The following ZFHX3 variants were observed in gnomAD, a reference collection of about 807,000 sequenced individuals.
ZFHX3 encodes zinc finger homeobox 3.
Under a neutral mutation model 279.1 loss-of-function variants are expected in ZFHX3, and 42 were observed. The ratio of observed to expected loss-of-function variants is 0.15; its 90% CI spans 0.12 to 0.19. The LOEUF is 0.19. ZFHX3 is among the 10% of genes least tolerant of loss of function. ZFHX3 has a pLI of 1.00. For missense variants in ZFHX3, 4,981 were observed against 4,754.0 expected, an observed-to-expected ratio of 1.05 and a Z score of -1.40; for synonymous variants, 2,293 against 1,957.8, an observed-to-expected ratio of 1.17 and a Z score of -4.52.
chr16:73,063,285 G>A (rs1000533462), upstream of ZFHX3, among the ~76,000 whole-genome samples: 4 of 152,210 alleles, frequency 2.6e-5, no homozygotes, highest in Non-Finnish European at 5.9e-5. Context: ...GGTCAAGTCC[G>A]AGATCACCTT....
intron 2 of ZFHX3, among the ~76,000 whole-genome samples, chr16:73,503,920 CA>C (rs1375606167): frequency 6.6e-6 from 1 of 152,160 alleles, no homozygotes; most frequent in Non-Finnish European, 1.5e-5. Flanking sequence ...GATAGTTATT[CA>C]CTTCTTCCTT....
chr16:73,096,057 G>C (rs1043404387), intron 7 of ZFHX3, among the ~76,000 whole-genome samples: 2 of 152,142 alleles, frequency 1.3e-5, no homozygotes, highest in African/African-American at 2.4e-5. Flanking sequence ...AGAGGGGCCT[G>C]GAGATGCTGG....
At chr16:73,248,948 C>G (rs1387426839) in intron 5 of ZFHX3, among the ~76,000 whole-genome samples, 1 of 152,154 alleles carries the variant, frequency 6.6e-6, no homozygotes, top group Non-Finnish European at 1.5e-5. Context: ...TGGCCCAGCG[C>G]CCAAGGCATT....
At chr16:73,340,578 G>T (rs1342618031) in intron 3 of ZFHX3, among the ~76,000 whole-genome samples, 7 of 152,180 alleles carry the variant, frequency 4.6e-5, no homozygotes. Flanking sequence ...GTCTCACCAT[G>T]TTGCCTAGGC....
chr16:73,689,346 A>G (rs1432987462), intron 1 of ZFHX3, among the ~76,000 whole-genome samples: 3 of 152,202 alleles, frequency 2.0e-5, no homozygotes, highest in Admixed American at 1.3e-4. Context: ...AGAAGTAGCC[A>G]CATGGTCCCT....
At chr16:73,802,312 A>G (rs994146240) in intron 1 of ZFHX3, among the ~76,000 whole-genome samples, 1 of 152,254 alleles carries the variant, frequency 6.6e-6, no homozygotes. Flanking sequence ...ATGTGACTCC[A>G]CAGGGAAGGG....
At chr16:73,859,927 A>G (rs1961836649) in intron 1 of ZFHX3, among the ~76,000 whole-genome samples, 2 of 152,202 alleles carry the variant, frequency 1.3e-5, no homozygotes, top group Admixed American at 1.3e-4. Flanking sequence ...TTCATGCAGC[A>G]GGGGCGGCCT....
intron 4 of ZFHX3, among the ~76,000 whole-genome samples, chr16:73,305,415 A>G (rs1165669368): frequency 6.6e-6 from 1 of 152,150 alleles, no homozygotes; most frequent in Non-Finnish European, 1.5e-5. Context: ...CCATGCAAAG[A>G]GGACGGTGGA....
chr16:73,801,657 T>C (rs1020852859), intron 1 of ZFHX3, among the ~76,000 whole-genome samples: 40 of 152,198 alleles, frequency 2.6e-4, no homozygotes, highest in African/African-American at 9.2e-4. Context: ...ACCCTCTTCT[T>C]CCTCTAAAGC....
chr16:73,130,905 G>GC, intron 7 of ZFHX3: 1 of 1,266,980 alleles, frequency 7.9e-7, no homozygotes, highest in East Asian at 5.8e-5. Flanking sequence ...AACACGCTGG[G>GC]CCCAGACAGT....
chr16:73,632,857 A>G (rs1165453258), intron 2 of ZFHX3, among the ~76,000 whole-genome samples: 9 of 152,184 alleles, frequency 5.9e-5, no homozygotes, highest in African/African-American at 1.9e-4. Context: ...CAGGTAGATC[A>G]CAAGGTCAGG....
At chr16:72,792,242 A>G (rs2035732519) in intron 9 of ZFHX3, among the ~76,000 whole-genome samples, 1 of 152,200 alleles carries the variant, frequency 6.6e-6, no homozygotes, top group Non-Finnish European at 1.5e-5. Context: ...AGTGATCAGG[A>G]GCAAGGAAAA....
intron 2 of ZFHX3, among the ~76,000 whole-genome samples, chr16:73,669,050 A>ATTTTTTTT (rs77659765): frequency 2.7e-5 from 4 of 149,062 alleles, no homozygotes; most frequent in Admixed American, 6.6e-5. Context: ...TCTATTTATT[A>ATTTTTTTT]TTTTTTTTCT....
chr16:73,515,460 GAT>G, intron 2 of ZFHX3, among the ~76,000 whole-genome samples: 1 of 135,014 alleles, frequency 7.4e-6, no homozygotes, highest in African/African-American at 3.9e-5. Context: ...GAAAGAGAGA[GAT>G]AGATAAGAGA....
chr16:73,852,712 C>G (rs1456655986), intron 1 of ZFHX3, among the ~76,000 whole-genome samples: 1 of 152,110 alleles, frequency 6.6e-6, no homozygotes, highest in Non-Finnish European at 1.5e-5. Context: ...GGCAAGAAAG[C>G]CTGGCAAGGA....
At chr16:73,312,609 A>C (rs2015352353) in intron 4 of ZFHX3, among the ~76,000 whole-genome samples, 1 of 152,184 alleles carries the variant, frequency 6.6e-6, no homozygotes, top group Non-Finnish European at 1.5e-5. Flanking sequence ...ACATTCATTG[A>C]GGGCTTTCAG....
At chr16:73,028,055 G>T (rs556537916) in intron 1 of ZFHX3, among the ~76,000 whole-genome samples, 1 of 152,160 alleles carries the variant, frequency 6.6e-6, no homozygotes, top group African/African-American at 2.4e-5. Flanking sequence ...GGTCCCAGCT[G>T]CACCGAGACA....
chr16:73,090,828 T>C (rs1473681384), intron 8 of ZFHX3, among the ~76,000 whole-genome samples: 1 of 149,778 alleles, frequency 6.7e-6, no homozygotes, highest in Non-Finnish European at 1.5e-5. Context: ...GGAGAATCAC[T>C]TGAGCCCAAG....
intron 1 of ZFHX3, among the ~76,000 whole-genome samples, chr16:73,685,772 C>G (rs965114995): frequency 2.6e-5 from 4 of 152,200 alleles, no homozygotes; most frequent in African/African-American, 7.2e-5. Flanking sequence ...TTCCCTAAAA[C>G]AACCCTTGAG....
Sources: allele counts gnomAD v4.1 joint callset (sites outside exome capture counted in the v4.1 genomes callset), GRCh38; gene constraint gnomAD v4.1.1; transcripts MANE v1.5; gene names NCBI Gene and HGNC (gene_info 2026-07-23, HGNC 2026-07-21).